DDAH1: variants seen among roughly 807,000 people sequenced by gnomAD.
The protein encoded by DDAH1 is dimethylarginine dimethylaminohydrolase 1.
In DDAH1, 19 loss-of-function variants were observed where a neutral mutation model predicts 28.8. That is an observed-to-expected ratio of 0.66 (90% confidence interval 0.46 to 0.97). The LOEUF is 0.97. Ranked by LOEUF, DDAH1 falls within the 50% of genes least tolerant of loss-of-function variation. The pLI is 0.00. For missense variants in DDAH1, 326 were observed against 375.9 expected (o/e 0.87, Z 1.10); for synonymous variants, 153 against 154.4 (o/e 0.99, Z 0.07).
At chr1:85,572,175 AG>A (rs1659476146) in intron 1 of DDAH1, among the ~76,000 whole-genome samples, 1 of 152,198 alleles carries the variant, frequency 6.6e-6, no homozygotes, top group Admixed American at 6.5e-5. Context: ...CAGAGGAAAT[AG>A]AAACAAGCTC....
chr1:85,342,691 G>A (rs1648578303), intron 4 of DDAH1, among the ~76,000 whole-genome samples: 1 of 152,162 alleles, frequency 6.6e-6, no homozygotes, highest in African/African-American at 2.4e-5. Context: ...ATCGGGATAT[G>A]TTATTTTGCA....
intron 1 of DDAH1, among the ~76,000 whole-genome samples, chr1:85,556,897 AC>A (rs1384897673): frequency 1.3e-5 from 2 of 152,176 alleles, no homozygotes; most frequent in African/African-American, 4.8e-5. Context: ...CGGGCTGATT[AC>A]CTGAGGTCAG....
chr1:85,469,991 T>C (rs1373637549), upstream of DDAH1, among the ~76,000 whole-genome samples: 1 of 152,226 alleles, frequency 6.6e-6, no homozygotes, highest in Non-Finnish European at 1.5e-5. Context: ...TTGATAATAT[T>C]GCTGGTATCT....
At chr1:85,348,625 T>C (rs1222497647) in intron 4 of DDAH1, among the ~76,000 whole-genome samples, 1 of 152,196 alleles carries the variant, frequency 6.6e-6, no homozygotes, top group Non-Finnish European at 1.5e-5. Flanking sequence ...TCAAATGCCA[T>C]CCATCCTTCA....
At chr1:85,376,688 G>T (rs1011002809) in intron 1 of DDAH1, 9 of 140,314 alleles carry the variant, frequency 6.4e-5, no homozygotes, top group African/African-American at 2.4e-4. Context: ...ATTACCTTAT[G>T]ATTATGAAAA....
At chr1:85,565,504 G>A (rs865787103) in intron 1 of DDAH1, among the ~76,000 whole-genome samples, 1 of 151,922 alleles carries the variant, frequency 6.6e-6, no homozygotes, top group African/African-American at 2.4e-5. Flanking sequence ...CTGGGTGAAG[G>A]GCTCATTAGA....
intron 1 of DDAH1, among the ~76,000 whole-genome samples, chr1:85,427,588 G>A (rs1457996354): frequency 6.6e-6 from 1 of 152,224 alleles, no homozygotes; most frequent in Non-Finnish European, 1.5e-5. Flanking sequence ...CAAAGGGACA[G>A]ACTGAAATAG....
chr1:85,482,837 C>G (rs1656055198), intron 2 of DDAH1, among the ~76,000 whole-genome samples: 1 of 152,034 alleles, frequency 6.6e-6, no homozygotes, highest in African/African-American at 2.4e-5. Context: ...AAAATCACAA[C>G]AAAAATCAAT....
intron 1 of DDAH1, among the ~76,000 whole-genome samples, chr1:85,451,742 A>G (rs1458364642): frequency 6.6e-6 from 1 of 152,150 alleles, no homozygotes; most frequent in African/African-American, 2.4e-5. Context: ...TGCTGATTTG[A>G]TATCTCGAGT....
At chr1:85,367,236 C>A (rs1013392361) in intron 1 of DDAH1, among the ~76,000 whole-genome samples, 1 of 152,132 alleles carries the variant, frequency 6.6e-6, no homozygotes, top group Non-Finnish European at 1.5e-5. Context: ...AGCTCCAGGC[C>A]GATGCTCTGA....
At chr1:85,327,245 G>A (rs944699304) in intron 4 of DDAH1, among the ~76,000 whole-genome samples, 2 of 152,148 alleles carry the variant, frequency 1.3e-5, no homozygotes, top group Admixed American at 6.5e-5. Context: ...GCTGAGGTGG[G>A]AAGATCATAG....
chr1:85,376,914 A>G (rs1650704614), intron 1 of DDAH1: 1 of 152,142 alleles, frequency 6.6e-6, no homozygotes, highest in African/African-American at 2.4e-5. Flanking sequence ...AAATTACAGT[A>G]ATTTTACAAT....
intron 4 of DDAH1, among the ~76,000 whole-genome samples, chr1:85,343,049 C>A (rs1259010560): frequency 6.6e-6 from 1 of 152,178 alleles, no homozygotes; most frequent in Non-Finnish European, 1.5e-5. Context: ...ATGTGGCCAA[C>A]CATCCAACAG....
intron 1 of DDAH1, among the ~76,000 whole-genome samples, chr1:85,497,287 G>C (rs12745805): frequency 0.48 from 72,608 of 152,016 alleles, 18,168 homozygotes; most frequent in East Asian, 0.62. Context: ...AAAAATGGCT[G>C]TGAGTTGTAC....
intron 1 of DDAH1, among the ~76,000 whole-genome samples, chr1:85,519,361 G>A (rs1249179339): frequency 6.6e-6 from 1 of 152,276 alleles, no homozygotes; most frequent in Non-Finnish European, 1.5e-5. Flanking sequence ...GTGAGCCACC[G>A]TGCCTGGCCA....
intron 1 of DDAH1, among the ~76,000 whole-genome samples, chr1:85,403,473 G>C (rs1224397403): frequency 1.3e-5 from 2 of 152,122 alleles, no homozygotes; most frequent in East Asian, 3.9e-4. Flanking sequence ...TCCAGGCACA[G>C]TGTCCTGGAG....
At chr1:85,335,368 G>T (rs1648038781) in intron 4 of DDAH1, among the ~76,000 whole-genome samples, 1 of 152,070 alleles carries the variant, frequency 6.6e-6, no homozygotes, top group Admixed American at 6.6e-5. Context: ...AGTAATGAAG[G>T]TTATTAAAAA....
chr1:85,386,703 T>G (rs548845434), intron 1 of DDAH1, among the ~76,000 whole-genome samples: 1 of 152,272 alleles, frequency 6.6e-6, no homozygotes, highest in East Asian at 1.9e-4. Context: ...CAGTGGGGAC[T>G]CTGTGTAGGG....
At chr1:85,471,444 C>G (rs1473964876) in intron 2 of DDAH1, among the ~76,000 whole-genome samples, 1 of 152,196 alleles carries the variant, frequency 6.6e-6, no homozygotes, top group Non-Finnish European at 1.5e-5. Flanking sequence ...TCACTTATAA[C>G]TCATTGTTAC....
Sources: gnomAD v4.1 joint callset for allele counts (sites outside exome capture counted in the v4.1 genomes callset) on GRCh38, gnomAD v4.1.1 for gene constraint, MANE v1.5 for transcripts, NCBI Gene and HGNC (gene_info 2026-07-23, HGNC 2026-07-21) for gene names.